FCHSD2: variants seen among roughly 807,000 people sequenced by gnomAD.
FCHSD2 encodes the protein F-BAR and double SH3 domains protein 2.
In FCHSD2, 38 loss-of-function variants were observed where a neutral mutation model predicts 108.1. That is an observed-to-expected ratio of 0.35 (90% CI 0.27 to 0.46). The LOEUF is 0.46. Among genes scored for constraint, FCHSD2 ranks in the 20% least tolerant of loss-of-function variants. The pLI is 1.00. For missense variants in FCHSD2, 751 were observed against 897.8 expected (o/e 0.84, Z 2.09); for synonymous variants, 279 against 314.7 (o/e 0.89, Z 1.20).
intron 8 of FCHSD2, among the ~76,000 whole-genome samples, chr11:72,961,159 C>T (rs1856811719): frequency 6.6e-6 from 1 of 151,864 alleles, no homozygotes; most frequent in Admixed American, 6.6e-5. Context: ...CCTCCCAATT[C>T]TTAGCTGCTC....
intron 10 of FCHSD2, among the ~76,000 whole-genome samples, chr11:72,901,288 T>C (rs560216114): frequency 4.7e-4 from 54 of 114,858 alleles, no homozygotes; most frequent in Admixed American, 3.3e-3. Context: ...CCCCAGCTAA[T>C]CGGGAGGCTG....
chr11:72,964,297 G>A (rs1591440058), intron 8 of FCHSD2, among the ~76,000 whole-genome samples: 1 of 152,308 alleles, frequency 6.6e-6, no homozygotes, highest in African/African-American at 2.4e-5. Context: ...ATCGAATCAT[G>A]TACTATTGTC....
chr11:72,840,357 C>G (rs1860879169), intron 19 of FCHSD2, among the ~76,000 whole-genome samples: 1 of 152,140 alleles, frequency 6.6e-6, no homozygotes, highest in Non-Finnish European at 1.5e-5. Flanking sequence ...TGCAAAGTAT[C>G]CGACTGGATT....
intron 3 of FCHSD2, among the ~76,000 whole-genome samples, chr11:73,043,459 C>A (rs1858688770): frequency 6.6e-6 from 1 of 152,160 alleles, no homozygotes; most frequent in Non-Finnish European, 1.5e-5. Flanking sequence ...GATCCACCAA[C>A]TATTTGTGTA....
intron 2 of FCHSD2, among the ~76,000 whole-genome samples, chr11:73,089,802 T>C (rs1591544810): frequency 6.6e-6 from 1 of 152,312 alleles, no homozygotes; most frequent in East Asian, 1.9e-4. Flanking sequence ...ACTTTGCCAT[T>C]AATCCAAAAG....
intron 2 of FCHSD2, among the ~76,000 whole-genome samples, chr11:73,098,033 CATTG>C (rs1860132903): frequency 6.6e-6 from 1 of 152,100 alleles, no homozygotes; most frequent in Non-Finnish European, 1.5e-5. Flanking sequence ...ACTTTAGTTT[CATTG>C]ATTCTCTTCA....
rs181502117 is a variant in FCHSD2, at chr11:72,865,976, G to T, written c.1308+1889C>A. 1.2e-3 allele frequency among the ~76,000 whole-genome samples: 179 copies of T among 152,260 alleles called. 1 individual carries two copies. The highest frequency in any genetic ancestry group is 4.1e-3 in the African/African-American group (172 of 41,552). ...ACCAAGTTTTGTTCATCTTCAGTTT[G>T]CCCAGGAAGTAAGTACAAAGTTAGA... is the stretch of plus-strand genomic sequence containing the variant. On this transcript the variant is annotated intron_variant, in intron 13 of 19. Coordinates refer to ENST00000409418, the MANE Select transcript of FCHSD2 (RefSeq NM_014824.3).
At chr11:72,847,710 T>G (rs1271145150) in intron 14 of FCHSD2, among the ~76,000 whole-genome samples, 1 of 149,602 alleles carries the variant, frequency 6.7e-6, no homozygotes, top group African/African-American at 2.5e-5. Flanking sequence ...TTTTTTTTTT[T>G]GAGACAGAGT....
intron 2 of FCHSD2, among the ~76,000 whole-genome samples, chr11:73,107,375 T>C (rs947549416): frequency 4.6e-5 from 7 of 152,102 alleles, no homozygotes; most frequent in African/African-American, 1.7e-4. Context: ...TTTTTGTAGG[T>C]ATACAGCAGG....
chr11:73,005,539 C>G (rs1442432344), intron 4 of FCHSD2, among the ~76,000 whole-genome samples: 1 of 152,258 alleles, frequency 6.6e-6, no homozygotes, highest in African/African-American at 2.4e-5. Context: ...CTTCATCTCA[C>G]TGTCCCATAA....
chr11:72,890,417 C>A (rs1034346128), intron 10 of FCHSD2, among the ~76,000 whole-genome samples: 2 of 152,190 alleles, frequency 1.3e-5, no homozygotes, highest in Non-Finnish European at 2.9e-5. Context: ...TTGCACCCCT[C>A]CCCCTGCCCC....
rs187129479 is a variant in FCHSD2 at position 72,919,276 on chromosome 11, C to A, written c.828+2552G>T. ...TGGAACAAAAGGGCACTACATTATT[C>A]TTATTAAATTTTTATTCCTACCACT... On this transcript the variant is annotated intron_variant, in intron 9 of 19. Coordinates refer to ENST00000409418, the MANE Select transcript of FCHSD2 (RefSeq NM_014824.3). Among the ~76,000 whole-genome samples, 82 of 152,204 alleles carry A rather than the reference C, an allele frequency of 5.4e-4. 1 individual carries two copies. The Middle Eastern group carries it at 0.01, about 19-fold the overall frequency.
At position 72,969,365 on chromosome 11, in the gene FCHSD2, A is replaced by G. The variant is rs183746625; in HGVS notation, c.705+14723T>C. 1.1e-3 allele frequency among the ~76,000 whole-genome samples: 174 copies of G among 152,372 alleles called. 3 individuals carry two copies. The highest frequency in any genetic ancestry group is 3.1e-4 in the Non-Finnish European group (21 of 68,032). On this transcript the variant is annotated intron_variant, in intron 8 of 19. Transcript: ENST00000409418. ...TAAAAATCGGATTAGAACTGTGCAG[A>G]AAAGCTAGTTGGCATTTAGGTTTTG...
At chr11:73,137,892 T>C (rs1312501761) in intron 2 of FCHSD2, among the ~76,000 whole-genome samples, 1 of 152,218 alleles carries the variant, frequency 6.6e-6, no homozygotes, top group Non-Finnish European at 1.5e-5. Flanking sequence ...CAGAGAACCA[T>C]ATATACTATG....
At chr11:72,974,158 G>T (rs371713208) in intron 8 of FCHSD2, among the ~76,000 whole-genome samples, 190 of 152,238 alleles carry the variant, frequency 1.2e-3, no homozygotes, top group African/African-American at 4.5e-3. Flanking sequence ...ATAAACAACA[G>T]ACGTTTATTT....
intron 2 of FCHSD2, among the ~76,000 whole-genome samples, chr11:73,109,735 C>T (rs944131084): frequency 9.2e-5 from 14 of 152,116 alleles, no homozygotes; most frequent in African/African-American, 3.4e-4. Flanking sequence ...CAGTAATACA[C>T]TGAGTAACAG....
chr11:73,049,569 G>C (rs1858846269), intron 3 of FCHSD2, among the ~76,000 whole-genome samples: 1 of 150,228 alleles, frequency 6.7e-6, no homozygotes, highest in Admixed American at 6.6e-5. Flanking sequence ...AGCATTGGGA[G>C]ATATACCTAA....
intron 3 of FCHSD2, among the ~76,000 whole-genome samples, chr11:73,057,711 G>C (rs1859059408): frequency 6.6e-6 from 1 of 151,940 alleles, no homozygotes; most frequent in Admixed American, 6.6e-5. Context: ...TATTCTCAAA[G>C]TGTTCTGTAC....
In FCHSD2 at chr11:73,029,345, G is replaced by A. The variant is rs138389902; in HGVS notation, c.166-13460C>T. On this transcript the variant is annotated intron_variant, in intron 3 of 19. Transcript: ENST00000409418. ...ACAACAATCACACTGCGGCAAGATC[G>A]GTTTGATGCAATTATTTTAGAATTC... Among the ~76,000 whole-genome samples, 30 of 152,236 alleles carry A rather than the reference G, an allele frequency of 2.0e-4. 1 individual carries two copies. The South Asian group carries it at 3.9e-3, about 20-fold the overall frequency.
Sources: gnomAD v4.1 joint callset for allele counts (sites outside exome capture counted in the v4.1 genomes callset) on GRCh38, gnomAD v4.1.1 for gene constraint, MANE v1.5 for transcripts, NCBI Gene and HGNC (gene_info 2026-07-23, HGNC 2026-07-21) for gene names.